Variants in RAP1GAP observed in about 807,000 individuals in gnomAD.
RAP1GAP encodes the protein rap1 GTPase-activating protein 1.
Under a neutral mutation model 87.2 loss-of-function variants are expected in RAP1GAP, and 35 were observed. The observed-to-expected ratio is 0.40, with a 90% CI of 0.31 to 0.53. RAP1GAP has a LOEUF of 0.53. Among genes scored for constraint, RAP1GAP ranks in the 20% least tolerant of loss-of-function variants. The pLI, the probability that RAP1GAP is intolerant of heterozygous loss-of-function variation, is 0.48. For synonymous variants in RAP1GAP, 375 were observed against 363.9 expected (o/e 1.03, Z -0.35); for missense variants, 734 against 898.9 (o/e 0.82, Z 2.35).
intron 3 of RAP1GAP, among the ~76,000 whole-genome samples, chr1:21,623,228 G>A (rs2150087503): frequency 6.6e-6 from 1 of 152,310 alleles, no homozygotes; most frequent in East Asian, 1.9e-4. Context: ...AGTAGATTTT[G>A]GGACATGTGG....
intron 2 of RAP1GAP, among the ~76,000 whole-genome samples, chr1:21,645,371 T>A (rs1475935432): frequency 6.6e-6 from 1 of 151,846 alleles, no homozygotes. Flanking sequence ...TCCTAGCACT[T>A]TGGGAGGCTG....
In RAP1GAP at chr1:21,615,044, G is replaced by C. The variant is rs2081131159; in HGVS notation, c.292-955C>G. 6.6e-6 allele frequency among the ~76,000 whole-genome samples: 1 copy of C among 152,198 alleles called. No homozygotes were observed. Among genetic ancestry groups the C allele is most frequent in the Non-Finnish European group, 1.5e-5 (1 of 68,036 alleles). On this transcript the variant is annotated intron_variant, in intron 7 of 24. Transcript: ENST00000374765. The surrounding 1 kb of genome is among the most constrained non-coding windows in gnomAD (Gnocchi z 4.5). ...GGGCAGAGTCCCCCAGCTCTGCCTG[G>C]GCACAGAGTGGCAGAAACCCCCAAA...
chr1:21,632,281 T>G (rs2093913345), intron 2 of RAP1GAP, among the ~76,000 whole-genome samples: 1 of 152,186 alleles, frequency 6.6e-6, no homozygotes, highest in African/African-American at 2.4e-5. Context: ...CCCGGTTTCT[T>G]GGCAACTGTC....
chr1:21,629,171 C>A (rs1427657046), intron 2 of RAP1GAP, among the ~76,000 whole-genome samples: 2 of 152,164 alleles, frequency 1.3e-5, no homozygotes, highest in Non-Finnish European at 2.9e-5. Context: ...AGGGATCCTG[C>A]AGTGGGGTGG....
At chr1:21,656,770 G>A (rs1027626470) in intron 1 of RAP1GAP, among the ~76,000 whole-genome samples, 1 of 152,200 alleles carries the variant, frequency 6.6e-6, no homozygotes, top group Admixed American at 6.5e-5. Context: ...CCCCATCAGG[G>A]ACCAGGAAAA....
Position 21,609,080 on chromosome 1 carries a change from G to T in RAP1GAP, c.1072-144C>A. 1 of 721,378 alleles carries T rather than the reference G, an allele frequency of 1.4e-6. No homozygotes were observed. Among genetic ancestry groups the T allele is most frequent in the South Asian group, 1.6e-5 (1 of 60,928 alleles). 44.7% of individuals were successfully genotyped at this position (721,378 alleles called of 1,614,324 possible). A position where few individuals can be genotyped will look rare whatever the true frequency, so the allele number is the denominator to read the frequency against. On this transcript the variant is annotated intron_variant, in intron 15 of 24. Coordinates refer to ENST00000374765, the MANE Select transcript of RAP1GAP (RefSeq NM_002885.4). This position sits in a 1 kb window ranked among gnomAD's most constrained non-coding sequence, Gnocchi z 4.4. ...GGGTCACCCTCTTCACTCCCAAAAG[G>T]GTATCTCCCTGGGCTCAGCTCCCCA... is the stretch of plus-strand genomic sequence containing the variant.
chr1:21,664,519 C>T (rs956464174), intron 1 of RAP1GAP, among the ~76,000 whole-genome samples: 4 of 152,210 alleles, frequency 2.6e-5, no homozygotes, highest in African/African-American at 4.8e-5. Context: ...TTGCCCACGC[C>T]GTAGCTGGTC....
chr1:21,606,626 C>A (rs1032875157), intron 17 of RAP1GAP, among the ~76,000 whole-genome samples: 4 of 152,164 alleles, frequency 2.6e-5, no homozygotes, highest in Non-Finnish European at 5.9e-5. Flanking sequence ...CCTGTTAGGG[C>A]CTCTTAGAGC....
intron 7 of RAP1GAP, 22 bp downstream of exon 7, chr1:21,617,284 G>A (rs754138602): frequency 6.4e-5 from 100 of 1,554,392 alleles, no homozygotes; most frequent in Admixed American, 2.9e-4. Context: ...AGCCAGCCCC[G>A]CTGCACCAGC....
intron 1 of RAP1GAP, chr1:21,651,567 G>A: frequency 1.5e-6 from 1 of 685,994 alleles, no homozygotes; most frequent in Non-Finnish European, 2.8e-6. Flanking sequence ...ACACGCAATG[G>A]GAACACACAC....
chr1:21,626,431 C>T lies in RAP1GAP; in HGVS notation c.-112-34G>A, dbSNP rs113554473. On this transcript the variant is annotated intron_variant, in intron 2 of 24. Transcript: ENST00000374765. ...GAAAGAGTCTGAGGTCAGGGAGAGC[C>T]CCAAGCCAGGAAATTTGGGAACTCT... is the stretch of plus-strand genomic sequence containing the variant. 5.3e-5 allele frequency: 83 copies of T among 1,558,918 alleles called. No homozygotes were observed. The African/African-American group carries it at 1.1e-3, about 20-fold the overall frequency.
intron 2 of RAP1GAP, among the ~76,000 whole-genome samples, chr1:21,636,198 T>C (rs1009662552): frequency 6.6e-6 from 1 of 152,244 alleles, no homozygotes; most frequent in African/African-American, 2.4e-5. Flanking sequence ...AGCGTCAGTG[T>C]GGGCTCTGGA....
intron 1 of RAP1GAP, among the ~76,000 whole-genome samples, chr1:21,657,633 G>A (rs993266672): frequency 3.9e-5 from 6 of 152,150 alleles, no homozygotes; most frequent in Non-Finnish European, 7.3e-5. Context: ...TGCTATGGGC[G>A]TGGCCCTCCC....
chr1:21,602,980 T>C, intron 18 of RAP1GAP, 67 bp from the exon 19 acceptor site: 1 of 1,177,628 alleles, frequency 8.5e-7, no homozygotes, highest in Non-Finnish European at 1.2e-6. Flanking sequence ...CCACATCCCC[T>C]CTGGGGATCC....
rs201146044 is a variant in RAP1GAP at position 21,598,039 on chromosome 1, G to A, written c.1905C>T (p.Asp635=). Residue 635 remains aspartate (D), a synonymous_variant, in exon 23 of 25, where the codon GAC becomes GAT. Transcript: ENST00000374765. ...ACGCAGGGTCCCCCAACTTGCCGGC[G>A]TCTGGGTGGGGTGATCGAGAGGGGC... ...SPGPSRSPHP[D]AGKLGDPACP... 159 of 1,580,556 alleles carry A rather than the reference G, an allele frequency of 1.0e-4. No individual in the cohort carries two copies. Among genetic ancestry groups the A allele is most frequent in the Non-Finnish European group, 1.0e-4 (118 of 1,163,412 alleles).
chr1:21,608,940 G>T lies in RAP1GAP; in HGVS notation c.1072-4C>A, dbSNP rs861212. The T allele has an allele frequency of 0.48, 779,179 of 1,609,370 alleles. 193,215 individuals carry two copies. The highest frequency in any genetic ancestry group is 0.67 in the East Asian group (30,073 of 44,844). On this transcript the variant is annotated splice_polypyrimidine_tract_variant and splice_region_variant and intron_variant, in intron 15 of 24. Transcript: ENST00000374765. ...AAAATTCCTGGAACTCAGGCCCCTG[G>T]AAACTCCCAGTGTGGAGGAGATAAG...
rs547854355 is a variant in RAP1GAP at position 21,631,601 on chromosome 1, G to A, written c.-112-5204C>T. On this transcript the variant is annotated intron_variant, in intron 2 of 24. Transcript: ENST00000374765. ...CTTGGGAGGCTGAGGCAGGAGAATCGCTTGAACCCAGGAGGCGGAGGTTGC... is the reference window on the plus strand; with the variant it reads ...CTTGGGAGGCTGAGGCAGGAGAATCACTTGAACCCAGGAGGCGGAGGTTGC... Among the ~76,000 whole-genome samples, 170 of 152,264 alleles carry A rather than the reference G, an allele frequency of 1.1e-3. 1 individual carries two copies. Among genetic ancestry groups the A allele is most frequent in the African/African-American group, 3.9e-3 (162 of 41,554 alleles).
chr1:21,666,783 C>T (rs575155741), intron 1 of RAP1GAP, among the ~76,000 whole-genome samples: 4 of 152,192 alleles, frequency 2.6e-5, no homozygotes, highest in Admixed American at 2.6e-4. Context: ...TTTTTAAGGG[C>T]GTAGGGCATC....
At chr1:21,605,710 A>G (rs2073989965) in intron 18 of RAP1GAP, among the ~76,000 whole-genome samples, 1 of 152,262 alleles carries the variant, frequency 6.6e-6, no homozygotes, top group South Asian at 2.1e-4. Context: ...AGGTGCCCAC[A>G]CAGCAGCCCA....
Sources: allele counts gnomAD v4.1 joint callset (sites outside exome capture counted in the v4.1 genomes callset), GRCh38; gene constraint gnomAD v4.1.1; non-coding constraint Gnocchi (gnomAD v3.1); transcripts MANE v1.5; gene names NCBI Gene and HGNC (gene_info 2026-07-23, HGNC 2026-07-21).